SPIRE1: variants seen among roughly 807,000 people sequenced by gnomAD.
The protein encoded by SPIRE1 is protein spire homolog 1.
In SPIRE1, 40 loss-of-function variants were observed where a neutral mutation model predicts 94.1. The ratio of observed to expected loss-of-function variants is 0.43; its 90% confidence interval spans 0.33 to 0.55. The LOEUF (loss-of-function observed/expected upper bound fraction) is 0.55. Ranked by LOEUF, SPIRE1 falls within the 20% of genes least tolerant of loss-of-function variation. The pLI is 0.06. For missense variants in SPIRE1, 838 were observed against 975.2 expected (o/e 0.86, Z 1.87); for synonymous variants, 376 against 371.7 (o/e 1.01, Z -0.13).
At chr18:12,605,466 A>G (rs2036950679) in intron 2 of SPIRE1, among the ~76,000 whole-genome samples, 1 of 152,232 alleles carries the variant, frequency 6.6e-6, no homozygotes, top group African/African-American at 2.4e-5. Context: ...AGATCCCGCC[A>G]CTGCCCTCCA....
chr18:12,476,494 T>C (rs1477880120), intron 10 of SPIRE1, among the ~76,000 whole-genome samples: 1 of 137,320 alleles, frequency 7.3e-6, no homozygotes, highest in African/African-American at 2.6e-5. Context: ...TGAGCAGAGA[T>C]TGGGCCATTG....
chr18:12,476,337 G>A (rs2032574336), intron 10 of SPIRE1, among the ~76,000 whole-genome samples: 1 of 151,876 alleles, frequency 6.6e-6, no homozygotes, highest in Admixed American at 6.6e-5. Context: ...TCAGGAGTTT[G>A]AGACCAGCCT....
intron 4 of SPIRE1, among the ~76,000 whole-genome samples, chr18:12,532,353 G>T (rs970097476): frequency 2.6e-5 from 4 of 152,118 alleles, no homozygotes; most frequent in African/African-American, 7.2e-5. Context: ...TTGCCAATTT[G>T]CCATATAAGA....
chr18:12,533,459 A>G (rs925342433), intron 4 of SPIRE1, among the ~76,000 whole-genome samples: 1 of 152,248 alleles, frequency 6.6e-6, no homozygotes, highest in Non-Finnish European at 1.5e-5. Flanking sequence ...AACAAGGTTT[A>G]GAAAAAGGAA....
At chr18:12,516,415 A>C (rs1378377244) in intron 4 of SPIRE1, among the ~76,000 whole-genome samples, 1 of 152,178 alleles carries the variant, frequency 6.6e-6, no homozygotes, top group Non-Finnish European at 1.5e-5. Context: ...AAATTGATAG[A>C]GTGTGAGAAT....
rs189938784 is a variant in SPIRE1 at position 12,581,889 on chromosome 18, T to G, written c.373-34985A>C. Among the ~76,000 whole-genome samples, 9 of 152,232 alleles carry G rather than the reference T, an allele frequency of 5.9e-5. No individual in the cohort carries two copies. The East Asian group carries it at 1.7e-3, about 29-fold the overall frequency. The stretch of plus-strand genomic sequence containing the variant: ...AAAAAAAAATCATTATGAGAGACTG[T>G]TGTTCTAAAATGCTTAGTTTCAGAA... On this transcript the variant is annotated intron_variant, in intron 2 of 16. Transcript: ENST00000409402.
chr18:12,508,887 C>A (rs1391986283), intron 5 of SPIRE1, among the ~76,000 whole-genome samples: 2 of 152,142 alleles, frequency 1.3e-5, no homozygotes, highest in Admixed American at 6.6e-5. Flanking sequence ...GTTGGCCAGG[C>A]TGGTCTTGAA....
chr18:12,550,501 C>A (rs182814487), intron 2 of SPIRE1, among the ~76,000 whole-genome samples: 219 of 152,178 alleles, frequency 1.4e-3, no homozygotes, highest in Non-Finnish European at 2.5e-3. Context: ...GTAGCTGGGA[C>A]TACAGGTGCA....
At chr18:12,514,620 T>C (rs1366062971) in intron 4 of SPIRE1, among the ~76,000 whole-genome samples, 2 of 152,150 alleles carry the variant, frequency 1.3e-5, no homozygotes, top group African/African-American at 4.8e-5. Context: ...CCAAGTCAAC[T>C]TTAGTAAGAG....
chr18:12,542,385 G>T (rs2035039481), intron 3 of SPIRE1, among the ~76,000 whole-genome samples: 1 of 152,164 alleles, frequency 6.6e-6, no homozygotes, highest in Non-Finnish European at 1.5e-5. Context: ...GTGATTAATA[G>T]TCACATGTGG....
chr18:12,588,093 T>C (rs936490577), intron 2 of SPIRE1, among the ~76,000 whole-genome samples: 1 of 152,186 alleles, frequency 6.6e-6, no homozygotes, highest in African/African-American at 2.4e-5. Context: ...ATATAACATG[T>C]GGTCTTTTGT....
At chr18:12,484,058 G>A (rs1370861604) in intron 9 of SPIRE1, among the ~76,000 whole-genome samples, 3 of 152,108 alleles carry the variant, frequency 2.0e-5, no homozygotes, top group South Asian at 2.1e-4. Context: ...AGAACCCATC[G>A]TATAGGCTGC....
At chr18:12,654,199 TG>T (rs1377923634) in intron 1 of SPIRE1, among the ~76,000 whole-genome samples, 3 of 151,258 alleles carry the variant, frequency 2.0e-5, no homozygotes, top group Admixed American at 6.6e-5. Flanking sequence ...TAGCTGGGCA[TG>T]GTGGTACACA....
chr18:12,569,636 C>CAAA (rs71172101), intron 2 of SPIRE1, among the ~76,000 whole-genome samples: 1,461 of 142,046 alleles, frequency 0.01, 25 homozygotes, highest in African/African-American at 0.035. Flanking sequence ...ACAACAACAA[C>CAAA]AAAAAAAAAA....
intron 3 of SPIRE1, among the ~76,000 whole-genome samples, chr18:12,541,812 G>C (rs1039047741): frequency 6.6e-6 from 1 of 151,832 alleles, no homozygotes; most frequent in Non-Finnish European, 1.5e-5. Context: ...CAGAAATACA[G>C]TGTGAGCCAT....
At chr18:12,577,276 T>C (rs533329345) in intron 2 of SPIRE1, among the ~76,000 whole-genome samples, 5 of 152,176 alleles carry the variant, frequency 3.3e-5, no homozygotes, top group Admixed American at 2.6e-4. Context: ...GCCTCCCCAG[T>C]AGCTGGGACT....
intron 2 of SPIRE1, among the ~76,000 whole-genome samples, chr18:12,580,218 A>G (rs79692970): frequency 0.077 from 11,787 of 152,182 alleles, 627 homozygotes; most frequent in Middle Eastern, 0.16. Flanking sequence ...TATTTTCTTG[A>G]GTGAAAAAAC....
At chr18:12,521,938 C>T (rs1362678875) in intron 4 of SPIRE1, among the ~76,000 whole-genome samples, 1 of 152,136 alleles carries the variant, frequency 6.6e-6, no homozygotes, top group Non-Finnish European at 1.5e-5. Context: ...CATCTCTCTC[C>T]CTCTCCTGGG....
chr18:12,624,912 T>A lies in SPIRE1; in HGVS notation c.372+10150A>T, dbSNP rs116698374. 7.6e-3 allele frequency among the ~76,000 whole-genome samples: 1,156 copies of A among 152,178 alleles called. 21 individuals carry two copies. Among genetic ancestry groups the A allele is most frequent in the African/African-American group, 0.026 (1,066 of 41,522 alleles). The stretch of plus-strand genomic sequence containing the variant: ...TGAAATCCTTTGCCAGACATATAAC[T>A]ATTATTTGTCTTCAGATATAGTAAA... On this transcript the variant is annotated intron_variant, in intron 2 of 16. Transcript: ENST00000409402.
Sources: allele counts gnomAD v4.1 joint callset (sites outside exome capture counted in the v4.1 genomes callset), GRCh38; gene constraint gnomAD v4.1.1; transcripts MANE v1.5; gene names NCBI Gene and HGNC (gene_info 2026-07-23, HGNC 2026-07-21).